The following SSRP1 variants were observed in gnomAD, a reference collection of about 807,000 sequenced individuals.
SSRP1 encodes the protein FACT complex subunit SSRP1.
In SSRP1, 21 loss-of-function variants were observed where a neutral mutation model predicts 84.4. The ratio of observed to expected loss-of-function variants is 0.25; its 90% CI spans 0.18 to 0.36. The LOEUF is 0.36. Ranked by LOEUF, SSRP1 falls within the 10% of genes least tolerant of loss-of-function variation. The pLI is 1.00. For synonymous variants in SSRP1, 319 were observed against 318.3 expected, an observed-to-expected ratio of 1.00 and a Z score of -0.02; for missense variants, 519 against 900.8, an observed-to-expected ratio of 0.58 and a Z score of 5.43.
In SSRP1 at chr11:57,331,853, C is replaced by T; in HGVS notation, c.1038G>A (p.Lys346=). ...GCGGGTAGAGCAGTCCTGAGCTTGC[C>T]TTGTAGGAACAGGTAATGCACTGGG... ...SGAQCITCSY[K]ASSGLLYPLE... Residue 346 remains lysine (K), a synonymous_variant, in exon 9 of 17, where the codon AAG becomes AAA. Transcript: ENST00000278412. The T allele has an allele frequency of 6.2e-7, 1 of 1,613,814 alleles. No individual in the cohort carries two copies. The highest frequency in any genetic ancestry group is 1.1e-5 in the South Asian group (1 of 91,006).
chr11:57,335,528 C>A lies in SSRP1; in HGVS notation c.-120+202G>T, dbSNP rs539687891. On this transcript the variant is annotated intron_variant, in intron 1 of 16. Transcript: ENST00000278412. The surrounding 1 kb of genome is among the most constrained non-coding windows in gnomAD (Gnocchi z 4.6). ...GTCTGCCAGGAGCCCGCACATCGCACGCGACCCAATCCAGCTCAGAGTGCA... is the reference window on the plus strand; with the variant it reads ...GTCTGCCAGGAGCCCGCACATCGCAAGCGACCCAATCCAGCTCAGAGTGCA... 3 of 293,178 alleles carry A rather than the reference C, an allele frequency of 1.0e-5. No homozygotes were observed. Among genetic ancestry groups the A allele is most frequent in the Admixed American group, 8.7e-5 (2 of 22,960 alleles). The allele number at this position is 293,178 out of a possible 1,614,324, so 18.2% of individuals were successfully genotyped here. A position where few individuals can be genotyped will look rare whatever the true frequency, so the allele number is the denominator to read the frequency against.
Position 57,333,025 on chromosome 11 carries a change from C to T in SSRP1, c.471G>A (p.Glu157=). Residue 157 remains glutamate, a synonymous_variant, in exon 5 of 17, where the codon GAG becomes GAA. Transcript: ENST00000278412. ...AGAAGCGCACCTCCATGAGAGACAC[C>T]TCTGCGTCATCGTTTTGGTGGAATT... ...TLEFHQNDDA[E]VSLMEVRFYV... The T allele has an allele frequency of 6.2e-7, 1 of 1,614,130 alleles. No individual in the cohort carries two copies. Among genetic ancestry groups the T allele is most frequent in the Non-Finnish European group, 8.5e-7 (1 of 1,180,038 alleles).
rs1244119575 is a variant in SSRP1, at chr11:57,332,409, G to A, written c.846C>T (p.Asp282=). 2.5e-6 allele frequency: 4 copies of A among 1,614,110 alleles called. No homozygotes were observed. The South Asian group carries it at 4.4e-5, about 18-fold the overall frequency. ...CGTTCATGTTCAGAGTCAACGAAAT[G>A]TCCTCGTCCTTGGAGAAGAGGAGGA... ...FLILLFSKDE[D]ISLTLNMNEE... is the part of the protein sequence containing the mutation. Residue 282 remains aspartate, a synonymous_variant, in exon 7 of 17, where the codon GAC becomes GAT. Coordinates refer to ENST00000278412, the MANE Select transcript of SSRP1 (RefSeq NM_003146.3). This position sits in a 1 kb window ranked among gnomAD's most constrained non-coding sequence, Gnocchi z 5.5.
intron 4 of SSRP1, 42 bp downstream of exon 4, chr11:57,333,393 C>A (rs1350802321): frequency 6.6e-7 from 1 of 1,516,706 alleles, no homozygotes; most frequent in African/African-American, 1.4e-5. Context: ...AAACCCTTCA[C>A]CCTATCTTCC....
At chr11:57,328,595 T>A in intron 12 of SSRP1, 169 bp from the exon 13 acceptor site, 3 of 972,904 alleles carry the variant, frequency 3.1e-6, no homozygotes, top group African/African-American at 1.7e-5. Context: ...CCATTCACTG[T>A]GGTGGCTTCA....
chr11:57,326,642 C>T (rs1855987125), intron 16 of SSRP1, 61 bp downstream of exon 16: 1 of 1,592,484 alleles, frequency 6.3e-7, no homozygotes. Context: ...CAGACCAACC[C>T]CACACAGACA....
At position 57,335,417 on chromosome 11, in the gene SSRP1, G is replaced by A. The variant is rs979815253; in HGVS notation, c.-119-177C>T. Reference sequence around the variant, plus strand: ...CAGGTCCAGGCCTGGGTGGAGAACCGGGCCCGGAATACCGCTGACACCCAA... The same window carrying A: ...CAGGTCCAGGCCTGGGTGGAGAACCAGGCCCGGAATACCGCTGACACCCAA... On this transcript the variant is annotated intron_variant, in intron 1 of 16. Transcript: ENST00000278412. This position sits in a 1 kb window ranked among gnomAD's most constrained non-coding sequence, Gnocchi z 4.6. The A allele has an allele frequency of 2.4e-5, 9 of 373,434 alleles. No individual in the cohort carries two copies. The highest frequency in any genetic ancestry group is 2.2e-4 in the Admixed American group (6 of 26,766). The allele number at this position is 373,434 out of a possible 1,614,324, so 23.1% of individuals were successfully genotyped here. A position where few individuals can be genotyped will look rare whatever the true frequency, so the allele number is the denominator to read the frequency against.
At chr11:57,333,354 G>C in intron 4 of SSRP1, 81 bp downstream of exon 4, 1 of 1,321,534 alleles carries the variant, frequency 7.6e-7, no homozygotes, top group Admixed American at 1.8e-5. Flanking sequence ...CAGTGGCAGA[G>C]GGAAAAGAGC....
Position 57,332,661 on chromosome 11 carries a change from CA to C in SSRP1, c.731del (p.Leu244CysfsTer13). The C allele has an allele frequency of 6.2e-7, 1 of 1,613,736 alleles. No homozygotes were observed. On this transcript the variant is annotated frameshift_variant, in exon 6 of 17. Coordinates refer to ENST00000278412, the MANE Select transcript of SSRP1 (RefSeq NM_003146.3). LOFTEE classifies it high-confidence loss of function. This position sits in a 1 kb window ranked among gnomAD's most constrained non-coding sequence, Gnocchi z 5.5. ...TCTGGCGCTGGTCCTTGTGGGGTAA[CA>C]AAAACAGACGCAGTACTGTGGTGTA... ...IPYTTVLRLF[L>X]LPHKDQRQMF... is the part of the protein sequence containing the mutation.
intron 15 of SSRP1, chr11:57,327,137 T>C (rs2134384630): frequency 1.4e-6 from 1 of 726,218 alleles, no homozygotes; most frequent in African/African-American, 1.8e-5. Context: ...CTTTATCTTT[T>C]AGAGTTCATG....
chr11:57,327,955 TC>T, intron 13 of SSRP1, 73 bp from the exon 14 acceptor site: 2 of 1,549,004 alleles, frequency 1.3e-6, no homozygotes, highest in South Asian at 2.3e-5. Context: ...ATTATTTAGA[TC>T]ACTTAACTTG....
intron 12 of SSRP1, chr11:57,329,866 C>A (rs562606527): frequency 3.3e-6 from 2 of 608,766 alleles, no homozygotes; most frequent in Admixed American, 5.8e-5. Flanking sequence ...ACATTCAGGG[C>A]GGTATGGCCA....
chr11:57,332,349 C>T lies in SSRP1; in HGVS notation c.872+34G>A, dbSNP rs1856109838. 6 of 1,613,798 alleles carry T rather than the reference C, an allele frequency of 3.7e-6. No individual in the cohort carries two copies. In the Admixed American group the frequency reaches 5.0e-5, roughly 13 times the overall value. On this transcript the variant is annotated intron_variant, in intron 7 of 16. Transcript: ENST00000278412. The surrounding 1 kb of genome is among the most constrained non-coding windows in gnomAD (Gnocchi z 5.5). Reference sequence around the variant, plus strand: ...ATGGCACACCTGTCTCCTGCCTGGACAGTGGTAGGAAACGAGTCCAGGGAG... The same window carrying T: ...ATGGCACACCTGTCTCCTGCCTGGATAGTGGTAGGAAACGAGTCCAGGGAG...
In SSRP1 at chr11:57,332,904, C is replaced by A; in HGVS notation, c.538-49G>T. The A allele has an allele frequency of 6.3e-7, 1 of 1,596,902 alleles. No individual in the cohort carries two copies. The highest frequency in any genetic ancestry group is 8.6e-7 in the Non-Finnish European group (1 of 1,169,180). The stretch of plus-strand genomic sequence containing the variant: ...CAAGCAGCAGGCCCTGCTCCCAGGC[C>A]AGCCAATGCCTGCTCAGCACCATCT... On this transcript the variant is annotated intron_variant, in intron 5 of 16. Coordinates refer to ENST00000278412, the MANE Select transcript of SSRP1 (RefSeq NM_003146.3). This position sits in a 1 kb window ranked among gnomAD's most constrained non-coding sequence, Gnocchi z 5.5.
chr11:57,331,240 T>C (rs1333324008), intron 9 of SSRP1, among the ~76,000 whole-genome samples: 1 of 152,168 alleles, frequency 6.6e-6, no homozygotes, highest in East Asian at 1.9e-4. Flanking sequence ...TCTTTTTTCA[T>C]ACTTCACAAG....
At chr11:57,327,543 A>C in intron 14 of SSRP1, 29 bp from the exon 15 acceptor site, 2 of 1,613,480 alleles carry the variant, frequency 1.2e-6, no homozygotes, top group Non-Finnish European at 8.5e-7. Context: ...AAAACAGTTA[A>C]GAATAAGACC....
rs1243698267 is a variant in SSRP1, at chr11:57,332,557, A to G, written c.768+68T>C. The stretch of plus-strand genomic sequence containing the variant: ...TAACCAACGTAGAATTCTGCACACC[A>G]GTGAGATCCATCTACTTAACACTTA... On this transcript the variant is annotated intron_variant, in intron 6 of 16. Transcript: ENST00000278412. The surrounding 1 kb of genome is among the most constrained non-coding windows in gnomAD (Gnocchi z 5.5). The G allele has an allele frequency of 6.2e-7, 1 of 1,604,050 alleles. No individual in the cohort carries two copies. Among genetic ancestry groups the G allele is most frequent in the Non-Finnish European group, 8.5e-7 (1 of 1,171,816 alleles).
chr11:57,327,175 T>A (rs1157097000), intron 15 of SSRP1: 2 of 658,922 alleles, frequency 3.0e-6, no homozygotes, highest in Non-Finnish European at 5.1e-6. Context: ...TCCATAATAG[T>A]ATTTTTTTCG....
chr11:57,327,564 C>T, intron 14 of SSRP1, 50 bp from the exon 15 acceptor site: 1 of 1,610,232 alleles, frequency 6.2e-7, no homozygotes, highest in Non-Finnish European at 8.5e-7. Flanking sequence ...TCTCCCATCT[C>T]CCCTCTCCCC....
Sources: allele counts gnomAD v4.1 joint callset (sites outside exome capture counted in the v4.1 genomes callset), GRCh38; gene constraint gnomAD v4.1.1; non-coding constraint Gnocchi (gnomAD v3.1); transcripts MANE v1.5; gene names NCBI Gene and HGNC (gene_info 2026-07-23, HGNC 2026-07-21).